The following PLEKHA4 variants were observed in gnomAD, a reference collection of about 807,000 sequenced individuals.
The protein encoded by PLEKHA4 is pleckstrin homology domain containing A4.
PLEKHA4 carries 73 observed loss-of-function variants against 94.7 expected under a neutral mutation model. The observed-to-expected ratio is 0.77, with a 90% CI of 0.64 to 0.94. The LOEUF is 0.94. Among genes scored for constraint, PLEKHA4 ranks in the 40% least tolerant of loss-of-function variants. The probability of loss-of-function intolerance (pLI) is 0.00; values close to 1 mark genes in which losing one functional copy is unlikely to be tolerated. For missense variants in PLEKHA4, 1,049 were observed against 1,054.1 expected, an observed-to-expected ratio of 1.00 and a Z score of 0.07; for synonymous variants, 449 against 437.1, an observed-to-expected ratio of 1.03 and a Z score of -0.34.
At position 48,868,421 on chromosome 19, in the gene PLEKHA4, G is replaced by T. The variant is rs1250798886; in HGVS notation, c.-345C>A. ...AATCTTTTATTGTCAGACTCACAGG[G>T]TCTCTTCCTTAAGTCTCTGTCTCAT... On this transcript the variant is annotated 5_prime_UTR_variant, in exon 1 of 20. Coordinates refer to ENST00000263265, the MANE Select transcript of PLEKHA4 (RefSeq NM_020904.3). The T allele has an allele frequency of 6.7e-6, 1 of 148,458 alleles. No individual in the cohort carries two copies. Among genetic ancestry groups the T allele is most frequent in the Non-Finnish European group, 1.5e-5 (1 of 67,578 alleles). The allele number at this position is 148,458 out of a possible 1,614,324, so 9.2% of individuals were successfully genotyped here.
At chr19:48,856,154 A>C (rs1352435867) in intron 9 of PLEKHA4, among the ~76,000 whole-genome samples, 1 of 150,040 alleles carries the variant, frequency 6.7e-6, no homozygotes, top group East Asian at 2.0e-4. Flanking sequence ...CTGGGCAACA[A>C]GAGTGAAACT....
chr19:48,853,985 T>A, intron 11 of PLEKHA4, 22 bp downstream of exon 11: 1 of 1,612,908 alleles, frequency 6.2e-7, no homozygotes, highest in Non-Finnish European at 8.5e-7. Flanking sequence ...AGGCGCCCTG[T>A]CCTTGGCCCA....
In PLEKHA4 at chr19:48,840,730, A is replaced by G. The variant is rs1051294623; in HGVS notation, c.1905+419T>C. The stretch of plus-strand genomic sequence containing the variant: ...GTGAGCCACCATGCCCGGCCGAAAA[A>G]GGAAAACGTCTAAGGGGAAACCATC... On this transcript the variant is annotated intron_variant, in intron 17 of 19. Transcript: ENST00000263265. Among the ~76,000 whole-genome samples the G allele has an allele frequency of 6.6e-5, 10 of 152,108 alleles. 1 individual carries two copies. The highest frequency in any genetic ancestry group is 4.6e-4 in the Admixed American group (7 of 15,260).
At position 48,841,258 on chromosome 19, in the gene PLEKHA4, C is replaced by T. The variant is rs774034255; in HGVS notation, c.1796G>A (p.Arg599His). The T allele has an allele frequency of 2.7e-5, 44 of 1,613,466 alleles. No homozygotes were observed. Among genetic ancestry groups the T allele is most frequent in the South Asian group, 1.8e-4 (16 of 90,976 alleles). The change falls in exon 17 of 20, where the codon CGC becomes CAC. Residue 599 changes from arginine (R) to histidine (H), a missense_variant. Coordinates refer to ENST00000263265, the MANE Select transcript of PLEKHA4 (RefSeq NM_020904.3). ...GGGCCGTCCACATTCCTGGTTTCTG[C>T]GCATCCGCTCCAGCTGCTCCTGGGC... ...MSAQEQLERM[R>H]RNQECGRPFP...
Position 48,846,097 on chromosome 19 carries a change from G to T in PLEKHA4, c.1567-481C>A, listed in dbSNP as rs907611043. The stretch of plus-strand genomic sequence containing the variant: ...TCAGCCCTTTGAGAGGCCAAGGTAG[G>T]AGGCTCACTTGAGGCCAGGAGCTAG... On this transcript the variant is annotated intron_variant, in intron 14 of 19. Transcript: ENST00000263265. Among the ~76,000 whole-genome samples, 4 of 151,694 alleles carry T rather than the reference G, an allele frequency of 2.6e-5. No homozygotes were observed. The Admixed American group carries it at 2.6e-4, about 10-fold the overall frequency.
In PLEKHA4 at chr19:48,845,457, A is replaced by T. The variant is rs777357264; in HGVS notation, c.1667-11T>A. On this transcript the variant is annotated splice_polypyrimidine_tract_variant and intron_variant, in intron 15 of 19. Transcript: ENST00000263265. ...TCGGAGACCCAAGACCTGGAAAGAC[A>T]GAACGGGACTTGGTGAGGACGGGAA... The T allele has an allele frequency of 3.2e-5, 52 of 1,613,946 alleles. No individual in the cohort carries two copies. Among genetic ancestry groups the T allele is most frequent in the Non-Finnish European group, 4.2e-5 (50 of 1,179,996 alleles).
rs912431403 is a variant in PLEKHA4, at chr19:48,845,372, T to C, written c.1741A>G (p.Lys581Glu). 4.3e-6 allele frequency: 7 copies of C among 1,612,542 alleles called. No individual in the cohort carries two copies. The highest frequency in any genetic ancestry group is 5.9e-6 in the Non-Finnish European group (7 of 1,179,744). The change falls in exon 16 of 20, where the codon AAG becomes GAG. Residue 581 changes from lysine to glutamate, a missense_variant and splice_region_variant. Coordinates refer to ENST00000263265, the MANE Select transcript of PLEKHA4 (RefSeq NM_020904.3). The stretch of plus-strand genomic sequence containing the variant: ...TACAGGATGGACCTACAGCTTACCT[T>C]GGTTCCTAGCTGTGGGGAAGGGAGG... ...RHLPSPQLGT[K>E]APVARPRMSA...
chr19:48,851,307 CA>C (rs2036174920), intron 13 of PLEKHA4, among the ~76,000 whole-genome samples: 1 of 152,120 alleles, frequency 6.6e-6, no homozygotes, highest in Non-Finnish European at 1.5e-5. Flanking sequence ...TATGTACCCA[CA>C]ATACATTTTT....
chr19:48,850,688 A>ACG, intron 13 of PLEKHA4, among the ~76,000 whole-genome samples: 2 of 151,572 alleles, frequency 1.3e-5, no homozygotes, highest in Non-Finnish European at 2.9e-5. Context: ...ATGGTGGTGC[A>ACG]TGCCTGTAAT....
intron 16 of PLEKHA4, 41 bp from the exon 17 acceptor site, chr19:48,841,351 C>G (rs1207196343): frequency 6.4e-7 from 1 of 1,553,640 alleles, no homozygotes; most frequent in Non-Finnish European, 8.7e-7. Context: ...ACCTTTAGGC[C>G]AGGCACAGTG....
Position 48,853,677 on chromosome 19 carries a change from C to A in PLEKHA4, c.1326+5G>T. Reference sequence around the variant, plus strand: ...AGGAGGGCAGGCCCCTTCCCAGGTGCTCACCTGAGTCAAGTGACAGAGGGT... The same window carrying A: ...AGGAGGGCAGGCCCCTTCCCAGGTGATCACCTGAGTCAAGTGACAGAGGGT... On this transcript the variant is annotated splice_donor_5th_base_variant and intron_variant, in intron 12 of 19. Coordinates refer to ENST00000263265, the MANE Select transcript of PLEKHA4 (RefSeq NM_020904.3). 1 of 1,552,944 alleles carries A rather than the reference C, an allele frequency of 6.4e-7. No homozygotes were observed. The highest frequency in any genetic ancestry group is 2.0e-5 in the Admixed American group (1 of 51,276).
chr19:48,862,578 A>G (rs1266584249), intron 3 of PLEKHA4, among the ~76,000 whole-genome samples: 2 of 148,698 alleles, frequency 1.3e-5, no homozygotes, highest in Non-Finnish European at 3.0e-5. Context: ...GCACGATCTC[A>G]GCTCACTGCA....
intron 14 of PLEKHA4, 106 bp from the exon 15 acceptor site, chr19:48,845,722 A>C: frequency 2.0e-6 from 2 of 978,344 alleles, no homozygotes; most frequent in South Asian, 2.1e-5. Context: ...TAGGATTCAG[A>C]CCATAAACCA....
Position 48,853,691 on chromosome 19 carries a change from G to A in PLEKHA4, c.1317C>T (p.His439=). 6.3e-7 allele frequency: 1 copy of A among 1,578,800 alleles called. No individual in the cohort carries two copies. Among genetic ancestry groups the A allele is most frequent in the Non-Finnish European group, 8.6e-7 (1 of 1,165,362 alleles). The change falls in exon 12 of 20, where the codon CAC becomes CAT. Residue 439 remains histidine, a synonymous_variant. Coordinates refer to ENST00000263265, the MANE Select transcript of PLEKHA4 (RefSeq NM_020904.3). ...CTTCCCAGGTGCTCACCTGAGTCAA[G>A]TGACAGAGGGTGGCCCTCACACTGA... is the stretch of plus-strand genomic sequence containing the variant. The part of the protein sequence containing the change: ...RLVSVRATLC[H]LTQERERVWD...
chr19:48,857,392 G>A (rs369385325), intron 9 of PLEKHA4, 30 bp downstream of exon 9: 42 of 1,084,516 alleles, frequency 3.9e-5, no homozygotes, highest in African/African-American at 1.5e-4. Context: ...AGGGGGCTCC[G>A]GTAGATTTAG....
At position 48,841,195 on chromosome 19, in the gene PLEKHA4, C is replaced by T. The variant is rs757481859; in HGVS notation, c.1859G>A (p.Gly620Glu). Reference protein sequence around the residue: ...RPTSPRLLTLGRTLSPARRQP... With the variant: ...RPTSPRLLTLERTLSPARRQP... Reference sequence around the variant, plus strand: ...GCGTCTGGCTGGGGACAGTGTCCTTCCCAGGGTGAGAAGCCGGGGGGAGGT... The same window carrying T: ...GCGTCTGGCTGGGGACAGTGTCCTTTCCAGGGTGAGAAGCCGGGGGGAGGT... The change falls in exon 17 of 20, where the codon GGA (glycine) becomes GAA (glutamate). Residue 620 changes from glycine to glutamate, a missense_variant. Transcript: ENST00000263265. The T allele has an allele frequency of 1.2e-6, 2 of 1,612,700 alleles. No individual in the cohort carries two copies. The highest frequency in any genetic ancestry group is 1.7e-6 in the Non-Finnish European group (2 of 1,179,514).
intron 9 of PLEKHA4, among the ~76,000 whole-genome samples, chr19:48,856,898 C>CAAAAAAAAAAAAAAAAA (rs1315657736): frequency 2.8e-5 from 1 of 35,640 alleles, no homozygotes; most frequent in Non-Finnish European, 4.8e-5. Flanking sequence ...GACCCCGTCT[C>CAAAAAAAAAAAAAAAAA]AAAAAAAAAA....
intron 3 of PLEKHA4, 147 bp downstream of exon 3, chr19:48,865,356 T>TAAAC (rs997726846): frequency 6.6e-5 from 39 of 595,178 alleles, no homozygotes; most frequent in South Asian, 8.6e-5. Context: ...AATAAATAAA[T>TAAAC]AAACAAACAA....
At chr19:48,856,595 G>A (rs1362432279) in intron 9 of PLEKHA4, among the ~76,000 whole-genome samples, 1 of 152,102 alleles carries the variant, frequency 6.6e-6, no homozygotes, top group Non-Finnish European at 1.5e-5. Context: ...GCACGTGCCT[G>A]TAATCCCAGC....
Sources: gnomAD v4.1 joint callset for allele counts (sites outside exome capture counted in the v4.1 genomes callset) on GRCh38, gnomAD v4.1.1 for gene constraint, MANE v1.5 for transcripts, NCBI Gene and HGNC (gene_info 2026-07-23, HGNC 2026-07-21) for gene names.